The following ZFAND2A variants were observed in gnomAD, a reference collection of about 807,000 sequenced individuals.
The protein encoded by ZFAND2A is zinc finger AN1-type containing 2A.
A neutral mutation model predicts 11.6 loss-of-function variants in ZFAND2A; 20 were observed. That is an observed-to-expected ratio of 1.72 (90% CI 1.21 to 2.50). ZFAND2A has a LOEUF of 2.50. Among genes scored for constraint, ZFAND2A ranks in the 30% most tolerant of loss-of-function variants. The pLI is 0.00. For synonymous variants in ZFAND2A, 93 were observed against 60.6 expected, an observed-to-expected ratio of 1.54 and a Z score of -2.48; for missense variants, 234 against 182.9, an observed-to-expected ratio of 1.28 and a Z score of -1.61.
downstream of ZFAND2A, among the ~76,000 whole-genome samples, chr7:1,150,697 G>A (rs889972383): frequency 3.9e-5 from 6 of 152,072 alleles, no homozygotes; most frequent in Admixed American, 3.9e-4. Flanking sequence ...CCAGTCTCCT[G>A]TAATCTCTGG....
downstream of ZFAND2A, chr7:1,152,758 C>T: frequency 2.0e-6 from 1 of 502,388 alleles, no homozygotes. Flanking sequence ...CCGATGCTCC[C>T]CGCAGCCCTC....
chr7:1,151,532 C>T (rs1193531372), downstream of ZFAND2A, among the ~76,000 whole-genome samples: 19 of 152,084 alleles, frequency 1.2e-4, no homozygotes, highest in African/African-American at 3.4e-4. Flanking sequence ...TGAGCCACTA[C>T]GCCCGGCCTA....
At chr7:1,152,795 T>G, downstream of ZFAND2A, 8 of 557,946 alleles carry the variant, frequency 1.4e-5, no homozygotes, top group South Asian at 1.5e-4. Context: ...GCCGACATCC[T>G]GCGCCTGGAC....
In ZFAND2A at chr7:1,155,549, G is replaced by C. The variant is rs915984297; in HGVS notation, c.186C>G (p.Thr62=). Residue 62 remains threonine (T), a synonymous_variant, in exon 4 of 5, where the codon ACC becomes ACG. Transcript: ENST00000316495. ...VHVPVCPLCN[T]PIPVKKGQIP... is the part of the protein sequence containing the mutation. ...TCTGGCCCTTTTTTACTGGGATGGG[G>C]GTATTACAGAGTGGGCATACTGGGA... is the stretch of plus-strand genomic sequence containing the variant. The C allele has an allele frequency of 6.2e-7, 1 of 1,613,616 alleles. No homozygotes were observed. The highest frequency in any genetic ancestry group is 1.3e-5 in the African/African-American group (1 of 74,830).
chr7:1,158,357 G>T, intron 1 of ZFAND2A, 100 bp from the exon 2 acceptor site: 1 of 741,432 alleles, frequency 1.3e-6, no homozygotes, highest in South Asian at 1.7e-5. Context: ...CAAACGCACT[G>T]TGTGGGGAGC....
At chr7:1,155,356 T>C (rs1793497122) in intron 4 of ZFAND2A, 97 bp downstream of exon 4, 2 of 1,523,326 alleles carry the variant, frequency 1.3e-6, no homozygotes, top group Non-Finnish European at 1.8e-6. Context: ...ACTTTGTACA[T>C]AAACTATTGG....
chr7:1,155,767 G>A, intron 3 of ZFAND2A, 183 bp from the exon 4 acceptor site: 1 of 663,118 alleles, frequency 1.5e-6, no homozygotes, highest in Non-Finnish European at 2.3e-6. Flanking sequence ...TCTAGAATGT[G>A]GGCATCAGCT....
rs750540220 is a variant in ZFAND2A, at chr7:1,155,683, G to A, written c.151-99C>T. The A allele has an allele frequency of 2.2e-5, 33 of 1,479,492 alleles. No homozygotes were observed. The African/African-American group carries it at 3.0e-4, about 13-fold the overall frequency. The allele number at this position is 1,479,492 out of a possible 1,614,324, so 91.6% of individuals were successfully genotyped here. A position where few individuals can be genotyped will look rare whatever the true frequency, so the allele number is the denominator to read the frequency against. ...CCTGTGCGGCACACTTAAACACAAA[G>A]AGAGGACAAAAACCGGTCTCCCGAG... On this transcript the variant is annotated intron_variant, in intron 3 of 4. Coordinates refer to ENST00000316495, the MANE Select transcript of ZFAND2A (RefSeq NM_182491.4).
At chr7:1,150,417 C>A (rs1793377489), downstream of ZFAND2A, among the ~76,000 whole-genome samples, 1 of 152,166 alleles carries the variant, frequency 6.6e-6, no homozygotes, top group Non-Finnish European at 1.5e-5. Flanking sequence ...CAGAACAGGA[C>A]AGAACTTGGG....
downstream of ZFAND2A, chr7:1,152,812 C>G (rs1467135825): frequency 1.7e-6 from 1 of 591,520 alleles, no homozygotes; most frequent in Non-Finnish European, 3.0e-6. Context: ...GGACCTCCAG[C>G]CCCCAGAACT....
At chr7:1,150,249 A>G (rs1793374139), downstream of ZFAND2A, among the ~76,000 whole-genome samples, 1 of 152,134 alleles carries the variant, frequency 6.6e-6, no homozygotes, top group Non-Finnish European at 1.5e-5. Context: ...CCCTGACTGC[A>G]GGTCTGACCA....
chr7:1,149,370 C>G (rs1050710356), downstream of ZFAND2A, among the ~76,000 whole-genome samples: 3 of 152,174 alleles, frequency 2.0e-5, no homozygotes, highest in Admixed American at 6.6e-5. Flanking sequence ...AAGTGCAGTC[C>G]CAGACCAGAC....
Position 1,152,930 on chromosome 7 carries a change from T to C in ZFAND2A, c.*139A>G, listed in dbSNP as rs1346776122. 5.0e-6 allele frequency: 6 copies of C among 1,205,708 alleles called. No homozygotes were observed. Among genetic ancestry groups the C allele is most frequent in the Non-Finnish European group, 7.2e-6 (6 of 832,564 alleles). 74.7% of individuals were successfully genotyped at this position (1,205,708 alleles called of 1,614,324 possible). A position where few individuals can be genotyped will look rare whatever the true frequency, so the allele number is the denominator to read the frequency against. ...AATCAACTTCAGCATTCAATTTTAT[T>C]ATAGTCCCATCTCCCTCAACAAACA... is the stretch of plus-strand genomic sequence containing the variant. On this transcript the variant is annotated 3_prime_UTR_variant, in exon 5 of 5. Transcript: ENST00000316495.
intron 2 of ZFAND2A, 97 bp from the exon 3 acceptor site, chr7:1,157,847 C>T: frequency 2.0e-6 from 2 of 997,994 alleles, no homozygotes; most frequent in East Asian, 2.5e-5. Flanking sequence ...TGTTTTAGGC[C>T]TATGAGATGG....
downstream of ZFAND2A, among the ~76,000 whole-genome samples, chr7:1,151,285 G>T (rs986451960): frequency 1.3e-5 from 2 of 152,186 alleles, no homozygotes; most frequent in Admixed American, 1.3e-4. Context: ...TGGAGGTCAG[G>T]AACGGGCACG....
At chr7:1,154,458 T>G (rs1489002848) in intron 4 of ZFAND2A, among the ~76,000 whole-genome samples, 4 of 151,978 alleles carry the variant, frequency 2.6e-5, no homozygotes, top group African/African-American at 9.7e-5. Flanking sequence ...GTGGGGGCCT[T>G]GGGGCAGTGC....
At chr7:1,158,937 C>A (rs1241432855) in intron 1 of ZFAND2A, among the ~76,000 whole-genome samples, 1 of 152,016 alleles carries the variant, frequency 6.6e-6, no homozygotes, top group African/African-American at 2.4e-5. Flanking sequence ...ACTCACCAGC[C>A]CCTCCCGGGG....
At position 1,157,731 on chromosome 7, in the gene ZFAND2A, A is replaced by G. The variant is rs1281051204; in HGVS notation, c.75T>C (p.Cys25=). 11 of 1,556,916 alleles carry G rather than the reference A, an allele frequency of 7.1e-6. No homozygotes were observed. In the South Asian group the frequency reaches 1.3e-4, roughly 19 times the overall value. The stretch of plus-strand genomic sequence containing the variant: ...TACAGAAATCTTGTTTACATGCATC[A>G]CATTTTACTGGAAGAAAATCTAAAA... ...CKQLDFLPVK[C]DACKQDFCKD... Residue 25 remains cysteine, a synonymous_variant, in exon 3 of 5, where the codon TGT becomes TGC. Transcript: ENST00000316495.
At position 1,155,453 on chromosome 7, in the gene ZFAND2A, C is replaced by G; in HGVS notation, c.282G>C (p.Lys94Asn). The change falls in exon 4 of 5, where the codon AAG (lysine) becomes AAC (asparagine). Residue 94 changes from lysine to asparagine, a missense_variant and splice_region_variant. Physicochemically the swap from Lys to Asn is moderately conservative, Grantham distance 94. Coordinates refer to ENST00000316495, the MANE Select transcript of ZFAND2A (RefSeq NM_182491.4). ...GAACTGAGGCGGGCTCTGTCCTTAC[C>G]TTCTCTTTCTTCTTCCCAGGGTGAG... is the stretch of plus-strand genomic sequence containing the variant. ...CDSHPGKKKE[K>N]IFTYRCSKEG... The G allele has an allele frequency of 6.2e-7, 1 of 1,613,282 alleles. No individual in the cohort carries two copies. Among genetic ancestry groups the G allele is most frequent in the South Asian group, 1.1e-5 (1 of 91,008 alleles).
Sources: allele counts gnomAD v4.1 joint callset (sites outside exome capture counted in the v4.1 genomes callset), GRCh38; gene constraint gnomAD v4.1.1; transcripts MANE v1.5; gene names NCBI Gene and HGNC (gene_info 2026-07-23, HGNC 2026-07-21).